ZFYVE9: variants seen among roughly 807,000 people sequenced by gnomAD.
The protein encoded by ZFYVE9 is zinc finger FYVE-type containing 9, also known as zinc finger FYVE domain-containing protein 9.
Under a neutral mutation model 126.7 loss-of-function variants are expected in ZFYVE9, and 43 were observed. The observed-to-expected ratio is 0.34, with a 90% confidence interval of 0.27 to 0.44. ZFYVE9 has a LOEUF of 0.44. ZFYVE9 is among the 20% of genes least tolerant of loss of function. ZFYVE9 has a pLI of 1.00. For missense variants in ZFYVE9, 1,476 were observed against 1,697.0 expected, an observed-to-expected ratio of 0.87 and a Z score of 2.29; for synonymous variants, 521 against 597.4, an observed-to-expected ratio of 0.87 and a Z score of 1.87.
At chr1:52,172,078 G>T (rs1457272648) in intron 1 of ZFYVE9, among the ~76,000 whole-genome samples, 1 of 152,088 alleles carries the variant, frequency 6.6e-6, no homozygotes, top group Non-Finnish European at 1.5e-5. Flanking sequence ...CCTTGCCCAT[G>T]CCTATGTCCT....
rs7518587 is a variant in ZFYVE9 at position 52,183,104 on chromosome 1, G to A, written c.-142-33265G>A. ...TAAAAGAATGTGGCTGTGAAAAGAAGGCGAAAGGGCAGTAATTAGAGGGAA... is the reference window on the plus strand; with the variant it reads ...TAAAAGAATGTGGCTGTGAAAAGAAAGCGAAAGGGCAGTAATTAGAGGGAA... On this transcript the variant is annotated intron_variant, in intron 1 of 18. Transcript: ENST00000287727. Among the ~76,000 whole-genome samples, 1,439 of 152,230 alleles carry A rather than the reference G, an allele frequency of 9.5e-3. 20 individuals carry two copies. The highest frequency in any genetic ancestry group is 0.032 in the African/African-American group (1,337 of 41,544).
At chr1:52,329,214 C>T (rs1027093123) in intron 13 of ZFYVE9, among the ~76,000 whole-genome samples, 4 of 152,120 alleles carry the variant, frequency 2.6e-5, no homozygotes, top group Non-Finnish European at 5.9e-5. Flanking sequence ...TTCAAATCAT[C>T]TGTAATTGCA....
intron 1 of ZFYVE9, chr1:52,162,939 T>C: frequency 4.0e-6 from 2 of 501,654 alleles, no homozygotes; most frequent in South Asian, 4.4e-5. Flanking sequence ...TCTCCAATTT[T>C]ACACAAGCAG....
At chr1:52,276,769 C>G (rs1017904740) in intron 8 of ZFYVE9, among the ~76,000 whole-genome samples, 1 of 152,212 alleles carries the variant, frequency 6.6e-6, no homozygotes, top group Non-Finnish European at 1.5e-5. Context: ...TTCATTATCT[C>G]TGTTCTAATA....
chr1:52,152,821 A>G (rs1644369686), intron 1 of ZFYVE9, among the ~76,000 whole-genome samples: 1 of 152,234 alleles, frequency 6.6e-6, no homozygotes, highest in African/African-American at 2.4e-5. Flanking sequence ...CTAAGTACAT[A>G]GTGTATTGGT....
At chr1:52,280,361 CA>C (rs1465868313) in intron 9 of ZFYVE9, among the ~76,000 whole-genome samples, 1 of 149,352 alleles carries the variant, frequency 6.7e-6, no homozygotes, top group Non-Finnish European at 1.5e-5. Context: ...GCCTGAATGA[CA>C]GAGTGAGACC....
Position 52,274,493 on chromosome 1 carries a change from A to G in ZFYVE9, c.2655A>G (p.Ile885Met). ...ATATTTGTCTATTCTCTGGGAGTATAACTCAGGTTGGAAGTCCTGTTGGAA... is the reference window on the plus strand; with the variant it reads ...ATATTTGTCTATTCTCTGGGAGTATGACTCAGGTTGGAAGTCCTGTTGGAA... ...ETDICLFSGSITQVGSPVGSA... is the reference protein window; with the variant it reads ...ETDICLFSGSMTQVGSPVGSA... The change falls in exon 8 of 19, where the codon ATA becomes ATG. Residue 885 changes from isoleucine to methionine, a missense_variant. This residue lies in a region of ZFYVE9 where 669 missense variants were observed against 902.4 expected (regional missense o/e 0.74). Transcript: ENST00000287727. 4 of 1,611,858 alleles carry G rather than the reference A, an allele frequency of 2.5e-6. No homozygotes were observed. The highest frequency in any genetic ancestry group is 3.4e-6 in the Non-Finnish European group (4 of 1,178,544).
intron 8 of ZFYVE9, among the ~76,000 whole-genome samples, chr1:52,275,387 T>G (rs976780179): frequency 2.0e-5 from 3 of 152,250 alleles, no homozygotes; most frequent in African/African-American, 7.2e-5. Flanking sequence ...CAATTTATTT[T>G]CTTTTGGATA....
chr1:52,192,898 G>A (rs1238647411), intron 1 of ZFYVE9, among the ~76,000 whole-genome samples: 2 of 152,140 alleles, frequency 1.3e-5, no homozygotes, highest in Non-Finnish European at 2.9e-5. Context: ...AATAGTAATA[G>A]CAAATTTAAG....
intron 13 of ZFYVE9, among the ~76,000 whole-genome samples, chr1:52,312,647 A>G (rs900560612): frequency 1.3e-5 from 2 of 152,204 alleles, no homozygotes; most frequent in African/African-American, 4.8e-5. Context: ...TCTCTTGGAA[A>G]AACTTCATAG....
chr1:52,219,729 G>A (rs1490239258), intron 2 of ZFYVE9, among the ~76,000 whole-genome samples: 1 of 150,270 alleles, frequency 6.7e-6, no homozygotes, highest in African/African-American at 2.5e-5. Context: ...AGCCCATAGA[G>A]CATTTCAGGC....
intron 1 of ZFYVE9, among the ~76,000 whole-genome samples, chr1:52,172,059 A>G (rs1006719540): frequency 2.0e-5 from 3 of 151,904 alleles, no homozygotes; most frequent in African/African-American, 7.3e-5. Context: ...GGTGTTTTAG[A>G]CATGAAGTCC....
intron 1 of ZFYVE9, among the ~76,000 whole-genome samples, chr1:52,158,025 T>C (rs1644419464): frequency 1.3e-5 from 2 of 152,198 alleles, no homozygotes; most frequent in South Asian, 4.1e-4. Context: ...GCTATGTCAA[T>C]TCAGTCATTT....
At chr1:52,317,635 GAA>G (rs1646198336) in intron 13 of ZFYVE9, among the ~76,000 whole-genome samples, 1 of 151,782 alleles carries the variant, frequency 6.6e-6, no homozygotes, top group East Asian at 1.9e-4. Context: ...AAACAATAAA[GAA>G]AATTAATGAA....
At chr1:52,275,667 G>A (rs1231992787) in intron 8 of ZFYVE9, among the ~76,000 whole-genome samples, 1 of 151,952 alleles carries the variant, frequency 6.6e-6, no homozygotes, top group East Asian at 1.9e-4. Context: ...TGACATATAT[G>A]GATCAGTATA....
chr1:52,156,754 C>T (rs1388649638), intron 1 of ZFYVE9, among the ~76,000 whole-genome samples: 1 of 152,046 alleles, frequency 6.6e-6, no homozygotes, highest in Non-Finnish European at 1.5e-5. Context: ...CTCCATGTTT[C>T]TGTATACCAA....
At chr1:52,275,800 C>T (rs1411032879) in intron 8 of ZFYVE9, among the ~76,000 whole-genome samples, 10 of 151,970 alleles carry the variant, frequency 6.6e-5, no homozygotes, top group Non-Finnish European at 1.5e-4. Context: ...ACACTGTTGC[C>T]AGTTATGTTT....
chr1:52,344,578 CAG>C (rs892838852), intron 17 of ZFYVE9, among the ~76,000 whole-genome samples, 188 bp from the exon 18 acceptor site: 8 of 151,928 alleles, frequency 5.3e-5, no homozygotes, highest in Admixed American at 5.2e-4. Flanking sequence ...GATGGAGAGA[CAG>C]GGATTGTTTT....
chr1:52,324,248 CAA>C (rs957632396), intron 13 of ZFYVE9, among the ~76,000 whole-genome samples: 86 of 47,954 alleles, frequency 1.8e-3, no homozygotes, highest in Non-Finnish European at 3.6e-3. Context: ...GACCCTGTCT[CAA>C]AAACACACAC....
Sources: allele counts gnomAD v4.1 joint callset (sites outside exome capture counted in the v4.1 genomes callset), GRCh38; gene constraint gnomAD v4.1.1; regional missense constraint gnomAD v4.1.1; transcripts MANE v1.5; gene names NCBI Gene and HGNC (gene_info 2026-07-23, HGNC 2026-07-21).